EP400: variants seen among roughly 807,000 people sequenced by gnomAD.
The protein encoded by EP400 is E1A-binding protein p400.
A neutral mutation model predicts 354.1 loss-of-function variants in EP400; 105 were observed. The ratio of observed to expected loss-of-function variants is 0.30; its 90% CI spans 0.25 to 0.35. The LOEUF is 0.35. EP400 is among the 10% of genes least tolerant of loss of function. The probability of loss-of-function intolerance (pLI) is 1.00; values close to 1 mark genes in which losing one functional copy is unlikely to be tolerated. For missense variants in EP400, 3,280 were observed against 4,121.0 expected, an observed-to-expected ratio of 0.80 and a Z score of 5.59; for synonymous variants, 1,646 against 1,716.9, an observed-to-expected ratio of 0.96 and a Z score of 1.02.
intron 5 of EP400, among the ~76,000 whole-genome samples, chr12:131,984,264 A>T (rs998633245): frequency 6.6e-6 from 1 of 152,208 alleles, no homozygotes; most frequent in African/African-American, 2.4e-5. Flanking sequence ...TAATAGTAAC[A>T]ATAATAGCTA....
At chr12:132,005,893 G>A (rs1893564405) in intron 13 of EP400, among the ~76,000 whole-genome samples, 1 of 152,150 alleles carries the variant, frequency 6.6e-6, no homozygotes, top group South Asian at 2.1e-4. Flanking sequence ...CTCTTGGAGG[G>A]CTTTCCAGAA....
At chr12:132,049,024 C>T (rs868021428) in intron 39 of EP400, among the ~76,000 whole-genome samples, 3 of 152,222 alleles carry the variant, frequency 2.0e-5, no homozygotes, top group Admixed American at 6.5e-5. Flanking sequence ...CATTAGAGGA[C>T]CCCATGGTGA....
At chr12:131,976,985 A>T (rs1305037421) in intron 2 of EP400, among the ~76,000 whole-genome samples, 1 of 152,174 alleles carries the variant, frequency 6.6e-6, no homozygotes, top group South Asian at 2.1e-4. Flanking sequence ...GGCTGCCCTC[A>T]TGCCAAATGC....
chr12:131,967,391 A>G (rs556181089), intron 2 of EP400, among the ~76,000 whole-genome samples: 2 of 150,996 alleles, frequency 1.3e-5, no homozygotes, highest in Non-Finnish European at 2.9e-5. Flanking sequence ...AAAAAAATAA[A>G]TAAATAAATA....
intron 5 of EP400, 48 bp from the exon 6 acceptor site, chr12:131,986,466 C>A: frequency 6.5e-7 from 1 of 1,538,660 alleles, no homozygotes; most frequent in African/African-American, 1.4e-5. Flanking sequence ...CGTGGGCTGC[C>A]CCGACATCTT....
At chr12:131,989,315 C>G (rs887475424) in intron 7 of EP400, among the ~76,000 whole-genome samples, 2 of 152,232 alleles carry the variant, frequency 1.3e-5, no homozygotes, top group African/African-American at 4.8e-5. Flanking sequence ...CAGCCCACCC[C>G]GATCAGGGCC....
intron 11 of EP400, among the ~76,000 whole-genome samples, chr12:131,993,746 A>G (rs955509049): frequency 6.6e-6 from 1 of 152,218 alleles, no homozygotes. Flanking sequence ...TAATTGGAAT[A>G]TAGTGGTATT....
chr12:132,048,752 G>A (rs573663841), intron 39 of EP400, among the ~76,000 whole-genome samples: 308 of 152,144 alleles, frequency 2.0e-3, no homozygotes, highest in Admixed American at 5.2e-3. Flanking sequence ...ATTTCACCAG[G>A]TTGGCCAGGC....
chr12:132,011,296 G>T (rs1893755937), intron 15 of EP400, among the ~76,000 whole-genome samples: 2 of 152,194 alleles, frequency 1.3e-5, no homozygotes, highest in African/African-American at 4.8e-5. Context: ...GTGCAGCAGC[G>T]CCCTGGGGGC....
rs761483980 is a variant in EP400, at chr12:132,050,442, T to C, written c.7320T>C (p.Ser2440=). 1.2e-6 allele frequency: 2 copies of C among 1,613,982 alleles called. No individual in the cohort carries two copies. The highest frequency in any genetic ancestry group is 1.7e-6 in the Non-Finnish European group (2 of 1,180,030). Residue 2440 remains serine (S), a synonymous_variant, in exon 40 of 53, where the codon AGT becomes AGC. Coordinates refer to ENST00000389561, the MANE Select transcript of EP400 (RefSeq NM_015409.5). This position sits in a 1 kb window ranked among gnomAD's most constrained non-coding sequence, Gnocchi z 4.8. Reference sequence around the variant, plus strand: ...TGAAAATGACTGCTGGCAAGAGGAGTCCCCCAATCAAACCTCTGTATGTTT... The same window carrying C: ...TGAAAATGACTGCTGGCAAGAGGAGCCCCCCAATCAAACCTCTGTATGTTT... The part of the protein sequence containing the change: ...DLMKMTAGKR[S]PPIKPLLGMN...
chr12:132,049,996 A>G (rs1279554676), intron 39 of EP400, among the ~76,000 whole-genome samples: 2 of 152,206 alleles, frequency 1.3e-5, no homozygotes, highest in Non-Finnish European at 2.9e-5. Flanking sequence ...AGCCCGCTCC[A>G]CACAGTCACC....
intron 15 of EP400, among the ~76,000 whole-genome samples, chr12:132,010,525 A>G (rs1893730881): frequency 6.6e-6 from 1 of 152,230 alleles, no homozygotes; most frequent in African/African-American, 2.4e-5. Context: ...AGTAATGGCC[A>G]TAGATGGATG....
At position 132,078,782 on chromosome 12, in the gene EP400, C is replaced by A. The variant is rs755417972; in HGVS notation, c.*1109C>A. 2.6e-5 allele frequency: 4 copies of A among 152,240 alleles called. No homozygotes were observed. Among genetic ancestry groups the A allele is most frequent in the Non-Finnish European group, 5.9e-5 (4 of 68,044 alleles). 9.4% of individuals were successfully genotyped at this position (152,240 alleles called of 1,614,324 possible). A position where few individuals can be genotyped will look rare whatever the true frequency, so the allele number is the denominator to read the frequency against. ...TCTAGGATAAGCTTGTGTGGTTCTG[C>A]CAGTGAAGCAGAGAACCACCTGTGC... On this transcript the variant is annotated 3_prime_UTR_variant, in exon 53 of 53. Transcript: ENST00000389561.
rs576413586 is a variant in EP400, at chr12:131,955,610, A to T, written c.-35-4975A>T. On this transcript the variant is annotated intron_variant, in intron 1 of 52. Coordinates refer to ENST00000389561, the MANE Select transcript of EP400 (RefSeq NM_015409.5). ...TTTATGCTTTTTAGTGTATGGTTGA[A>T]TTTTTTTTCTTAGTCCATTTAATGT... is the stretch of plus-strand genomic sequence containing the variant. Among the ~76,000 whole-genome samples, 9 of 148,722 alleles carry T rather than the reference A, an allele frequency of 6.1e-5. 1 individual carries two copies. In the South Asian group the frequency reaches 1.9e-3, roughly 31 times the overall value.
chr12:131,951,825 G>A (rs1028128384), intron 1 of EP400, among the ~76,000 whole-genome samples: 4 of 152,022 alleles, frequency 2.6e-5, no homozygotes, highest in Admixed American at 6.5e-5. Context: ...TGCCCAGGCT[G>A]GAGTGCAATG....
rs1038800452 is a variant in EP400, at chr12:132,078,309, G to T, written c.*636G>T. 6.6e-6 allele frequency: 1 copy of T among 152,658 alleles called. No homozygotes were observed. Among genetic ancestry groups the T allele is most frequent in the African/African-American group, 2.4e-5 (1 of 41,456 alleles). The allele number at this position is 152,658 out of a possible 1,614,324, so 9.5% of individuals were successfully genotyped here. Reference sequence around the variant, plus strand: ...CACACAAGGCACGTTCCTGGCCTGTGTTCAAGGGAAATGATCAGTCATTGC... The same window carrying T: ...CACACAAGGCACGTTCCTGGCCTGTTTTCAAGGGAAATGATCAGTCATTGC... On this transcript the variant is annotated 3_prime_UTR_variant, in exon 53 of 53. Transcript: ENST00000389561.
intron 2 of EP400, among the ~76,000 whole-genome samples, chr12:131,972,239 G>A (rs977800907): frequency 7.3e-5 from 11 of 150,958 alleles, no homozygotes; most frequent in African/African-American, 2.2e-4. Flanking sequence ...CGCAAGCTCC[G>A]CCTCCTGGGT....
chr12:132,077,393 C>T lies in EP400; in HGVS notation c.9100-8C>T, dbSNP rs377617365. The T allele has an allele frequency of 1.2e-4, 200 of 1,604,724 alleles. No homozygotes were observed. The highest frequency in any genetic ancestry group is 1.6e-4 in the Non-Finnish European group (186 of 1,174,636). On this transcript the variant is annotated splice_polypyrimidine_tract_variant and splice_region_variant and intron_variant, in intron 52 of 52. Coordinates refer to ENST00000389561, the MANE Select transcript of EP400 (RefSeq NM_015409.5). Reference sequence around the variant, plus strand: ...GGCAATGTGTGTTTTCTGACTCTCTCGGCTCAGGCTTCTCCACAGACTGTG... The same window carrying T: ...GGCAATGTGTGTTTTCTGACTCTCTTGGCTCAGGCTTCTCCACAGACTGTG...
Position 132,053,408 on chromosome 12 carries a change from G to A in EP400, c.7539G>A (p.Gln2513=). Residue 2513 remains glutamine (Q), a synonymous_variant, in exon 43 of 53, where the codon CAG becomes CAA. Transcript: ENST00000389561. ...AVAQPPPPQP[Q]PPPPPQQPPP... ...CCCAGCCACCCCCGCCCCAGCCGCA[G>A]CCCCCACCACCCCCGCAGCAGCCAC... 1 of 1,111,116 alleles carries A rather than the reference G, an allele frequency of 9.0e-7. No individual in the cohort carries two copies. The highest frequency in any genetic ancestry group is 2.8e-5 in the Admixed American group (1 of 35,768). 68.8% of individuals were successfully genotyped at this position (1,111,116 alleles called of 1,614,324 possible). A position where few individuals can be genotyped will look rare whatever the true frequency, so the allele number is the denominator to read the frequency against.
Sources: allele counts gnomAD v4.1 joint callset (sites outside exome capture counted in the v4.1 genomes callset), GRCh38; gene constraint gnomAD v4.1.1; non-coding constraint Gnocchi (gnomAD v3.1); transcripts MANE v1.5; gene names NCBI Gene and HGNC (gene_info 2026-07-23, HGNC 2026-07-21).